Variants in SYNE1 observed in about 807,000 individuals in gnomAD.
The protein encoded by SYNE1 is spectrin repeat containing nuclear envelope protein 1.
SYNE1 carries 616 observed loss-of-function variants against 1,111.0 expected under a neutral mutation model. The observed-to-expected ratio is 0.55, with a 90% CI of 0.52 to 0.59. SYNE1 has a LOEUF of 0.59. Ranked by LOEUF, SYNE1 falls within the 20% of genes least tolerant of loss-of-function variation. The pLI, the probability that SYNE1 is intolerant of heterozygous loss-of-function variation, is 0.00. For synonymous variants in SYNE1, 3,855 were observed against 3,825.8 expected, an observed-to-expected ratio of 1.01 and a Z score of -0.28; for missense variants, 10,006 against 10,417.0, an observed-to-expected ratio of 0.96 and a Z score of 1.72.
At chr6:152,125,361 T>C in intron 145 of SYNE1, 1 of 1,549,890 alleles carries the variant, frequency 6.5e-7, no homozygotes, top group Non-Finnish European at 8.7e-7. Context: ...CCTCTGGTCA[T>C]AAGGCCTCAC....
chr6:152,155,784 TG>T, intron 132 of SYNE1, 125 bp downstream of exon 132: 1 of 1,137,668 alleles, frequency 8.8e-7, no homozygotes, highest in Non-Finnish European at 1.3e-6. Flanking sequence ...ATAGTAAGTT[TG>T]GGAAGCCACA....
chr6:152,476,109 C>T (rs764773752), intron 14 of SYNE1, among the ~76,000 whole-genome samples: 8 of 152,086 alleles, frequency 5.3e-5, no homozygotes, highest in South Asian at 2.1e-4. Flanking sequence ...TTTAATTTAT[C>T]CAGTCTCAGA....
At position 152,498,811 on chromosome 6, in the gene SYNE1, A is replaced by T. The variant is rs1253984281; in HGVS notation, c.889-19T>A. ...GTATTTCCTAACAATATGAAAAGAT[A>T]ATATATAGAAATATAATATAAATCA... On this transcript the variant is annotated intron_variant, in intron 10 of 145. Transcript: ENST00000367255. The T allele has an allele frequency of 1.5e-6, 2 of 1,344,068 alleles. No individual in the cohort carries two copies. Among genetic ancestry groups the T allele is most frequent in the Non-Finnish European group, 2.0e-6 (2 of 983,360 alleles). The allele number at this position is 1,344,068 out of a possible 1,614,324, so 83.3% of individuals were successfully genotyped here.
chr6:152,522,238 T>G (rs1262738478), intron 5 of SYNE1, among the ~76,000 whole-genome samples: 1 of 152,092 alleles, frequency 6.6e-6, no homozygotes. Context: ...GTCTCCAAAG[T>G]CCATTATACC....
Position 152,301,846 on chromosome 6 carries a change from G to A in SYNE1, c.17541+23C>T, listed in dbSNP as rs777655994. 8.2e-6 allele frequency: 13 copies of A among 1,591,882 alleles called. No homozygotes were observed. The South Asian group carries it at 1.2e-4, about 15-fold the overall frequency. Reference sequence around the variant, plus strand: ...CAGGCTCCAGTCAAAGAGCAAAGCCGCGGGGACCCACTGGATCCTTACCAT... The same window carrying A: ...CAGGCTCCAGTCAAAGAGCAAAGCCACGGGGACCCACTGGATCCTTACCAT... On this transcript the variant is annotated intron_variant, in intron 92 of 145. Transcript: ENST00000367255.
At position 152,151,144 on chromosome 6, in the gene SYNE1, C is replaced by T. The variant is rs36023900; in HGVS notation, c.24450+409G>A. 5.2e-3 allele frequency among the ~76,000 whole-genome samples: 789 copies of T among 151,922 alleles called. 4 individuals carry two copies. The highest frequency in any genetic ancestry group is 0.014 in the South Asian group (69 of 4,806). ...GGCTGAGGCAGGAGAATTGCTTGAA[C>T]CAGGGAAGTGGAGGTTGCAGTGAGC... On this transcript the variant is annotated intron_variant, in intron 135 of 145. Transcript: ENST00000367255.
chr6:152,616,940 C>T (rs955855960), intron 3 of SYNE1, among the ~76,000 whole-genome samples: 3 of 152,070 alleles, frequency 2.0e-5, no homozygotes, highest in Admixed American at 6.5e-5. Context: ...TGTGCTGGAT[C>T]CTGAAAATAA....
intron 102 of SYNE1, among the ~76,000 whole-genome samples, chr6:152,256,327 G>A (rs962476804): frequency 1.3e-5 from 2 of 151,936 alleles, no homozygotes; most frequent in Non-Finnish European, 2.9e-5. Flanking sequence ...CTATTCGGGA[G>A]GGTGAGACAG....
chr6:152,365,039 A>G lies in SYNE1; in HGVS notation c.9973-20T>C, dbSNP rs1249270239. On this transcript the variant is annotated intron_variant, in intron 62 of 145. Coordinates refer to ENST00000367255, the MANE Select transcript of SYNE1 (RefSeq NM_182961.4). ...TAGAGCCTGTGAAAACACATACAGA[A>G]GTCCTTTGTCATTTGTATGTTTAAC... 6.2e-7 allele frequency: 1 copy of G among 1,613,888 alleles called. No homozygotes were observed. Among genetic ancestry groups the G allele is most frequent in the Non-Finnish European group, 8.5e-7 (1 of 1,179,798 alleles).
At chr6:152,251,914 A>C (rs915847611) in intron 104 of SYNE1, among the ~76,000 whole-genome samples, 18 of 152,048 alleles carry the variant, frequency 1.2e-4, no homozygotes, top group African/African-American at 4.1e-4. Flanking sequence ...AATTATTGGC[A>C]GGGCAAAAAG....
In SYNE1 at chr6:152,156,085, C is replaced by T; in HGVS notation, c.23803G>A (p.Asp7935Asn). 2 of 1,614,162 alleles carry T rather than the reference C, an allele frequency of 1.2e-6. No individual in the cohort carries two copies. Among genetic ancestry groups the T allele is most frequent in the South Asian group, 1.1e-5 (1 of 91,078 alleles). The change falls in exon 132 of 146, where the codon GAC becomes AAC. Residue 7935 changes from aspartate to asparagine, a missense_variant. By Grantham distance (23) the Asp-to-Asn change is conservative. Transcript: ENST00000367255. ...ACACCTGTACTGTGCTTCTCTATGTCTCTCTGAAGCTCCTGCAGGGGAACG... is the reference window on the plus strand; with the variant it reads ...ACACCTGTACTGTGCTTCTCTATGTTTCTCTGAAGCTCCTGCAGGGGAACG... ...KLNEQQELQR[D>N]IEKHSTGVAS...
chr6:152,212,545 G>T (rs371782810), intron 123 of SYNE1, among the ~76,000 whole-genome samples: 5 of 152,180 alleles, frequency 3.3e-5, no homozygotes, highest in African/African-American at 1.2e-4. Context: ...CATTTGGGTT[G>T]TCTCCACCTT....
intron 54 of SYNE1, among the ~76,000 whole-genome samples, chr6:152,386,691 CT>C (rs1369208177): frequency 6.6e-6 from 1 of 152,098 alleles, no homozygotes; most frequent in Non-Finnish European, 1.5e-5. Flanking sequence ...TCGTACACGA[CT>C]GAATCTTGAC....
intron 3 of SYNE1, among the ~76,000 whole-genome samples, chr6:152,605,006 A>AAGAG (rs1166561188): frequency 1.1e-3 from 27 of 25,580 alleles, no homozygotes; most frequent in South Asian, 2.5e-3. Flanking sequence ...GAAAGAAAGA[A>AAGAG]AGAGAGAGAG....
At position 152,255,603 on chromosome 6, in the gene SYNE1, G is replaced by T; in HGVS notation, c.19248C>A (p.Leu6416=). Residue 6416 remains leucine (L), a synonymous_variant, in exon 103 of 146, where the codon CTC becomes CTA. Coordinates refer to ENST00000367255, the MANE Select transcript of SYNE1 (RefSeq NM_182961.4). The part of the protein sequence containing the change: ...ALLPEETETC[L]FNQEILAKDI... ...CTACTAAACCTACCTCTTGGTTGAA[G>T]AGACAAGTCTCTGTTTCTTCTGGTA... is the stretch of plus-strand genomic sequence containing the variant. 1.2e-6 allele frequency: 2 copies of T among 1,614,182 alleles called. No homozygotes were observed. Among genetic ancestry groups the T allele is most frequent in the Non-Finnish European group, 1.7e-6 (2 of 1,180,030 alleles).
At chr6:152,559,798 A>G (rs2099388910) in intron 3 of SYNE1, among the ~76,000 whole-genome samples, 2 of 152,180 alleles carry the variant, frequency 1.3e-5, no homozygotes, top group South Asian at 4.1e-4. Flanking sequence ...AAATAAATGG[A>G]ATCAAGACTA....
intron 91 of SYNE1, among the ~76,000 whole-genome samples, chr6:152,305,487 A>C (rs998367179): frequency 2.0e-5 from 3 of 151,688 alleles, no homozygotes; most frequent in Non-Finnish European, 4.4e-5. Flanking sequence ...CTGGTCTCAA[A>C]CTCCTGACCT....
chr6:152,420,644 A>G (rs1243241642), intron 39 of SYNE1, among the ~76,000 whole-genome samples: 6 of 152,138 alleles, frequency 3.9e-5, no homozygotes, highest in Non-Finnish European at 8.8e-5. Flanking sequence ...CCAGGACTCT[A>G]ATTAAAAATA....
intron 70 of SYNE1, among the ~76,000 whole-genome samples, chr6:152,351,317 A>G (rs1300173368): frequency 2.6e-5 from 4 of 152,360 alleles, no homozygotes; most frequent in Admixed American, 6.5e-5. Context: ...AAGGATAGAA[A>G]TAGACATTGG....
Sources: allele counts gnomAD v4.1 joint callset (sites outside exome capture counted in the v4.1 genomes callset), GRCh38; gene constraint gnomAD v4.1.1; transcripts MANE v1.5; gene names NCBI Gene and HGNC (gene_info 2026-07-23, HGNC 2026-07-21).